ANK1: variants seen among roughly 807,000 people sequenced by gnomAD.
ANK1 encodes the protein ankyrin-1.
A neutral mutation model predicts 210.4 loss-of-function variants in ANK1; 51 were observed. The observed-to-expected ratio is 0.24, with a 90% CI of 0.19 to 0.31. The LOEUF is 0.31. ANK1 is among the 10% of genes least tolerant of loss of function. ANK1 has a pLI of 1.00. For missense variants in ANK1, 2,051 were observed against 2,504.4 expected, an observed-to-expected ratio of 0.82 and a Z score of 3.86; for synonymous variants, 967 against 1,025.9, an observed-to-expected ratio of 0.94 and a Z score of 1.10.
At chr8:41,895,568 C>T (rs1485586488) in intron 1 of ANK1, among the ~76,000 whole-genome samples, 2 of 152,116 alleles carry the variant, frequency 1.3e-5, no homozygotes, top group Admixed American at 1.3e-4. Context: ...CTCGGCACCC[C>T]GACACAGAAA....
At chr8:41,817,378 C>T (rs1230456579) in intron 1 of ANK1, among the ~76,000 whole-genome samples, 1 of 152,164 alleles carries the variant, frequency 6.6e-6, no homozygotes, top group African/African-American at 2.4e-5. Context: ...TTGAGATGAA[C>T]AGGTGAGGTT....
chr8:41,858,736 C>A (rs1288652035), intron 1 of ANK1, among the ~76,000 whole-genome samples: 2 of 152,220 alleles, frequency 1.3e-5, no homozygotes, highest in African/African-American at 4.8e-5. Flanking sequence ...CAAAACAAAA[C>A]CAAAACCAGC....
intron 1 of ANK1, among the ~76,000 whole-genome samples, chr8:41,761,444 C>T (rs1196650920): frequency 6.6e-6 from 1 of 152,146 alleles, no homozygotes; most frequent in African/African-American, 2.4e-5. Context: ...AAGACAGAGC[C>T]AGAGACTGGA....
Position 41,752,444 on chromosome 8 carries a change from A to G in ANK1, c.129+5592T>C, listed in dbSNP as rs59226889. Among the ~76,000 whole-genome samples, 23 of 152,192 alleles carry G rather than the reference A, an allele frequency of 1.5e-4. No homozygotes were observed. In the East Asian group the frequency reaches 4.3e-3, roughly 28 times the overall value. ...AAGGCTGAATGACTTCCAAATATCT[A>G]TCTTTGGGCTGGACCTCTTATCTGA... On this transcript the variant is annotated intron_variant, in intron 2 of 42. Transcript: ENST00000289734.
intron 24 of ANK1, 138 bp from the exon 25 acceptor site, chr8:41,696,911 C>T (rs774137768): frequency 3.2e-5 from 26 of 824,122 alleles, no homozygotes; most frequent in Middle Eastern, 3.3e-4. Context: ...CGGGACCCCA[C>T]CGCCCTGTCA....
upstream of ANK1, among the ~76,000 whole-genome samples, chr8:41,800,380 G>A (rs1030999946): frequency 1.3e-5 from 2 of 152,168 alleles, no homozygotes; most frequent in African/African-American, 2.4e-5. Flanking sequence ...AAGAAGACAC[G>A]GTGCCAGGTT....
intron 1 of ANK1, among the ~76,000 whole-genome samples, chr8:41,819,396 A>G (rs904619275): frequency 6.6e-6 from 1 of 152,240 alleles, no homozygotes; most frequent in Non-Finnish European, 1.5e-5. Context: ...GAAAGTAGGC[A>G]GAGAAGATGC....
intron 1 of ANK1, among the ~76,000 whole-genome samples, chr8:41,894,193 C>T (rs1445006956): frequency 6.6e-6 from 1 of 152,038 alleles, no homozygotes; most frequent in African/African-American, 2.4e-5. Flanking sequence ...TAAGAGTATG[C>T]GTCACTGCTA....
At chr8:41,660,469 G>A (rs1449926911) in intron 42 of ANK1, 2 of 459,472 alleles carry the variant, frequency 4.4e-6, no homozygotes, top group Non-Finnish European at 8.9e-6. Flanking sequence ...CCCCGAGCTG[G>A]GCAGCATGAA....
At chr8:41,894,986 G>A (rs1820201564) in intron 1 of ANK1, among the ~76,000 whole-genome samples, 1 of 152,064 alleles carries the variant, frequency 6.6e-6, no homozygotes, top group Non-Finnish European at 1.5e-5. Flanking sequence ...AAGGGAGGTG[G>A]GGACGTCAGT....
chr8:41,855,703 T>C (rs1812066809), intron 1 of ANK1, among the ~76,000 whole-genome samples: 1 of 152,216 alleles, frequency 6.6e-6, no homozygotes, highest in Non-Finnish European at 1.5e-5. Context: ...AGGTGGGGAC[T>C]CTGCTGCGAG....
chr8:41,814,127 C>T (rs1802922532), intron 1 of ANK1, among the ~76,000 whole-genome samples: 3 of 151,974 alleles, frequency 2.0e-5, no homozygotes, highest in East Asian at 1.9e-4. Flanking sequence ...TTTGGGAGGC[C>T]GAGGCAGGTG....
chr8:41,829,013 G>C (rs1456106151), intron 1 of ANK1: 1 of 152,282 alleles, frequency 6.6e-6, no homozygotes, highest in African/African-American at 2.4e-5. Flanking sequence ...CGCCGCAGTT[G>C]AAAGAATTAA....
At chr8:41,672,234 G>A in intron 38 of ANK1, 120 bp downstream of exon 38, 1 of 1,083,132 alleles carries the variant, frequency 9.2e-7, no homozygotes, top group Non-Finnish European at 1.3e-6. Flanking sequence ...ATGTGCTCCT[G>A]TGCAATTAGA....
At chr8:41,721,619 T>C (rs1337732453) in intron 9 of ANK1, among the ~76,000 whole-genome samples, 1 of 140,044 alleles carries the variant, frequency 7.1e-6, no homozygotes, top group East Asian at 2.2e-4. Context: ...ATCACACTGC[T>C]GCACTCCAGC....
chr8:41,833,906 T>G (rs1807135280), intron 1 of ANK1, among the ~76,000 whole-genome samples: 1 of 151,954 alleles, frequency 6.6e-6, no homozygotes, highest in Non-Finnish European at 1.5e-5. Context: ...GACACTAGTA[T>G]GAAAGGAAAA....
At chr8:41,819,255 C>A (rs1803814933) in intron 1 of ANK1, among the ~76,000 whole-genome samples, 1 of 152,182 alleles carries the variant, frequency 6.6e-6, no homozygotes, top group Admixed American at 6.5e-5. Flanking sequence ...CAGGTACTAC[C>A]TCAGGCAATG....
In ANK1 at chr8:41,869,932, T is replaced by C. The variant is rs536365326; in HGVS notation, c.126+26423A>G. On this transcript the variant is annotated intron_variant, in intron 1 of 42. Coordinates refer to the ANK1 transcript ENST00000265709. ...TAAGTCTCAAACTTTAGTGCACAGA[T>C]GACTTACTAAGAAGATCCCAAGAAG... Among the ~76,000 whole-genome samples, 9 of 152,364 alleles carry C rather than the reference T, an allele frequency of 5.9e-5. No homozygotes were observed. In the South Asian group the frequency reaches 1.7e-3, roughly 28 times the overall value.
chr8:41,701,440 G>T, intron 22 of ANK1, 110 bp downstream of exon 22: 1 of 943,606 alleles, frequency 1.1e-6, no homozygotes, highest in Non-Finnish European at 1.7e-6. Flanking sequence ...CATCTATAGT[G>T]CTTGGGCGTG....
Sources: gnomAD v4.1 joint callset for allele counts (sites outside exome capture counted in the v4.1 genomes callset) on GRCh38, gnomAD v4.1.1 for gene constraint, MANE v1.5 for transcripts, NCBI Gene and HGNC (gene_info 2026-07-23, HGNC 2026-07-21) for gene names.